Variants in CTNNA2 observed in about 807,000 individuals in gnomAD.
CTNNA2 encodes the protein catenin alpha-2.
A neutral mutation model predicts 101.0 loss-of-function variants in CTNNA2; 42 were observed. The ratio of observed to expected loss-of-function variants is 0.42; its 90% CI spans 0.32 to 0.54. The LOEUF is 0.54. CTNNA2 is among the 20% of genes least tolerant of loss of function. The pLI is 0.14. For missense variants in CTNNA2, 871 were observed against 1,223.1 expected, an observed-to-expected ratio of 0.71 and a Z score of 4.29; for synonymous variants, 450 against 456.4, an observed-to-expected ratio of 0.99 and a Z score of 0.18.
chr2:79,352,827 GC>G (rs1677421328), intron 3 of CTNNA2, among the ~76,000 whole-genome samples: 1 of 152,144 alleles, frequency 6.6e-6, no homozygotes, highest in Non-Finnish European at 1.5e-5. Context: ...AAGAAAAGAA[GC>G]TTAATTGGCT....
chr2:80,000,795 G>A (rs1026130865), intron 7 of CTNNA2, among the ~76,000 whole-genome samples: 1 of 152,168 alleles, frequency 6.6e-6, no homozygotes, highest in Non-Finnish European at 1.5e-5. Context: ...TTCCTGCCTA[G>A]GGATTTAGGG....
intron 7 of CTNNA2, among the ~76,000 whole-genome samples, chr2:79,982,552 T>C (rs72813747): frequency 0.058 from 8,451 of 145,898 alleles, 375 homozygotes; most frequent in East Asian, 0.21. Flanking sequence ...GGTCTCTCCA[T>C]GTTGCCCAGT....
intron 7 of CTNNA2, among the ~76,000 whole-genome samples, chr2:80,126,599 C>T (rs867640355): frequency 1.3e-3 from 47 of 37,354 alleles, no homozygotes; most frequent in Non-Finnish European, 1.7e-3. Flanking sequence ...TCCCTCCCTC[C>T]CTCCCTCCCT....
chr2:80,480,927 G>T (rs1184713236), intron 9 of CTNNA2, among the ~76,000 whole-genome samples: 1 of 152,048 alleles, frequency 6.6e-6, no homozygotes, highest in Admixed American at 6.6e-5. Context: ...CCACACCAAG[G>T]AATTCATTTA....
chr2:79,468,337 AAT>A, intron 4 of CTNNA2, among the ~76,000 whole-genome samples: 1 of 152,330 alleles, frequency 6.6e-6, no homozygotes, highest in Non-Finnish European at 1.5e-5. Context: ...AACTATCCGA[AAT>A]ATATATGCAC....
chr2:79,917,545 C>T (rs183540902), intron 7 of CTNNA2, among the ~76,000 whole-genome samples: 12 of 152,270 alleles, frequency 7.9e-5, no homozygotes, highest in Admixed American at 4.6e-4. Context: ...TTCTGTTTGG[C>T]TGCATTTCTA....
At chr2:80,346,465 A>AG (rs1202996275) in intron 7 of CTNNA2, among the ~76,000 whole-genome samples, 3 of 152,230 alleles carry the variant, frequency 2.0e-5, no homozygotes, top group African/African-American at 7.2e-5. Context: ...GCCATTCATG[A>AG]GGGACCTGCC....
intron 7 of CTNNA2, among the ~76,000 whole-genome samples, chr2:79,989,693 C>G (rs550635617): frequency 1.3e-5 from 2 of 152,254 alleles, no homozygotes; most frequent in Non-Finnish European, 2.9e-5. Flanking sequence ...CTAAGATATG[C>G]ATGCATCTGA....
chr2:80,446,375 G>T (rs1683071498), intron 9 of CTNNA2, among the ~76,000 whole-genome samples: 1 of 152,164 alleles, frequency 6.6e-6, no homozygotes, highest in South Asian at 2.1e-4. Context: ...CTATCTTGAA[G>T]AAAATAGATT....
intron 4 of CTNNA2, among the ~76,000 whole-genome samples, chr2:79,402,283 A>T (rs1678297646): frequency 6.6e-6 from 1 of 151,714 alleles, no homozygotes. Context: ...GAAAAGTTGA[A>T]CAACATTATA....
intron 7 of CTNNA2, among the ~76,000 whole-genome samples, chr2:80,284,368 A>G (rs559218936): frequency 6.6e-6 from 1 of 152,210 alleles, no homozygotes; most frequent in Non-Finnish European, 1.5e-5. Flanking sequence ...TTTTGGTTGT[A>G]GTTTTCAGCT....
intron 7 of CTNNA2, among the ~76,000 whole-genome samples, chr2:80,148,117 C>G (rs1232044675): frequency 6.6e-6 from 1 of 152,170 alleles, no homozygotes; most frequent in African/African-American, 2.4e-5. Flanking sequence ...TTTCTCCACT[C>G]TTTCCTCCAT....
chr2:79,322,441 A>G (rs1676647806), intron 3 of CTNNA2, among the ~76,000 whole-genome samples: 1 of 152,216 alleles, frequency 6.6e-6, no homozygotes, highest in South Asian at 2.1e-4. Flanking sequence ...TTTTTCCTGA[A>G]TACTTTCTCA....
chr2:79,683,421 G>A (rs1016724490), intron 2 of CTNNA2, among the ~76,000 whole-genome samples: 1 of 152,142 alleles, frequency 6.6e-6, no homozygotes, highest in Non-Finnish European at 1.5e-5. Flanking sequence ...GTCTTTGGAA[G>A]TCAAAGATAA....
At chr2:79,732,024 C>T (rs763855913) in intron 2 of CTNNA2, among the ~76,000 whole-genome samples, 3 of 151,602 alleles carry the variant, frequency 2.0e-5, no homozygotes, top group African/African-American at 2.4e-5. Flanking sequence ...ATATACATAC[C>T]GACTATATCT....
At chr2:79,813,626 CT>C (rs1187039369) in intron 3 of CTNNA2, among the ~76,000 whole-genome samples, 1 of 152,032 alleles carries the variant, frequency 6.6e-6, no homozygotes, top group Non-Finnish European at 1.5e-5. Context: ...AAAGAGAGGT[CT>C]GGATTGGTGG....
intron 2 of CTNNA2, among the ~76,000 whole-genome samples, chr2:79,718,239 T>C (rs940092723): frequency 6.6e-6 from 1 of 152,190 alleles, no homozygotes; most frequent in Non-Finnish European, 1.5e-5. Context: ...TTATGAGATA[T>C]CTGGCCTAGC....
intron 7 of CTNNA2, among the ~76,000 whole-genome samples, chr2:80,122,168 T>G (rs201744265): frequency 6.7e-6 from 1 of 149,608 alleles, no homozygotes; most frequent in Non-Finnish European, 1.5e-5. Flanking sequence ...ATCTCTCTCT[T>G]TCTCTCTCTA....
intron 7 of CTNNA2, among the ~76,000 whole-genome samples, chr2:80,100,532 T>C (rs1183593731): frequency 1.3e-5 from 2 of 152,216 alleles, no homozygotes; most frequent in Non-Finnish European, 2.9e-5. Context: ...ATATTTGTTT[T>C]TTTTCACACA....
Sources: allele counts gnomAD v4.1 joint callset (sites outside exome capture counted in the v4.1 genomes callset), GRCh38; gene constraint gnomAD v4.1.1; transcripts MANE v1.5; gene names NCBI Gene and HGNC (gene_info 2026-07-23, HGNC 2026-07-21).